APP: variants seen among roughly 807,000 people sequenced by gnomAD.
APP encodes amyloid beta precursor protein, also known as amyloid-beta precursor protein.
In APP, 31 loss-of-function variants were observed where a neutral mutation model predicts 101.4. That is an observed-to-expected ratio of 0.31 (90% CI 0.23 to 0.41). The LOEUF is 0.41. Among genes scored for constraint, APP ranks in the 10% least tolerant of loss-of-function variants. The pLI is 1.00. For synonymous variants in APP, 366 were observed against 364.4 expected (o/e 1.00, Z -0.05); for missense variants, 839 against 1,003.7 (o/e 0.84, Z 2.22).
intron 5 of APP, among the ~76,000 whole-genome samples, chr21:26,026,738 A>G (rs2044593413): frequency 6.6e-6 from 1 of 152,232 alleles, no homozygotes; most frequent in Non-Finnish European, 1.5e-5. Flanking sequence ...TTTGGGGGAT[A>G]GTAAAAGTAC....
intron 3 of APP, among the ~76,000 whole-genome samples, chr21:26,083,691 T>C (rs796193672): frequency 9.8e-5 from 15 of 152,348 alleles, no homozygotes; most frequent in African/African-American, 3.1e-4. Flanking sequence ...CTTGGGACAA[T>C]ATCATGCCAA....
chr21:26,134,251 G>A (rs2062851000), intron 1 of APP, among the ~76,000 whole-genome samples: 1 of 152,092 alleles, frequency 6.6e-6, no homozygotes, highest in African/African-American at 2.4e-5. Flanking sequence ...AATTCAACTG[G>A]ATTCTGACAC....
At chr21:25,946,227 C>T (rs2040815137) in intron 13 of APP, among the ~76,000 whole-genome samples, 1 of 152,106 alleles carries the variant, frequency 6.6e-6, no homozygotes, top group Non-Finnish European at 1.5e-5. Context: ...ATAAAATAGA[C>T]TTCTAAATTG....
Position 26,051,044 on chromosome 21 carries a change from C to CGAGTCA in APP, c.612_617dup (p.Ser206_Asp207dup). Reference sequence around the variant, plus strand: ...TGTCTGCTCCGCCCCACCAGACATCCGAGTCATCCTCCTCCGCATCAGCAG... The same window carrying CGAGTCA: ...TGTCTGCTCCGCCCCACCAGACATCCGAGTCAGAGTCATCCTCCTCCGCATCAGCAG... On this transcript the variant is annotated inframe_insertion, in exon 5 of 18. Coordinates refer to ENST00000346798, the MANE Select transcript of APP (RefSeq NM_000484.4). The CGAGTCA allele has an allele frequency of 6.2e-7, 1 of 1,614,150 alleles. No individual in the cohort carries two copies. Among genetic ancestry groups the CGAGTCA allele is most frequent in the Non-Finnish European group, 8.5e-7 (1 of 1,180,036 alleles).
chr21:25,926,986 G>A (rs1162119824), intron 13 of APP, among the ~76,000 whole-genome samples: 1 of 103,716 alleles, frequency 9.6e-6, no homozygotes, highest in African/African-American at 3.9e-5. Context: ...CTGGGCAACA[G>A]AGTGAGACTC....
rs1195877298 is a variant in APP at position 25,955,770 on chromosome 21, T to C, written c.1459-15A>G. ...ACGTGACGAGGCTGTGGGAGGAAAATGAAAAACTCTTTTTCAAGTTTGTGC... is the reference window on the plus strand; with the variant it reads ...ACGTGACGAGGCTGTGGGAGGAAAACGAAAAACTCTTTTTCAAGTTTGTGC... On this transcript the variant is annotated splice_polypyrimidine_tract_variant and intron_variant, in intron 11 of 17. Coordinates refer to ENST00000346798, the MANE Select transcript of APP (RefSeq NM_000484.4). The C allele has an allele frequency of 1.2e-6, 2 of 1,613,872 alleles. No homozygotes were observed. Among genetic ancestry groups the C allele is most frequent in the South Asian group, 1.1e-5 (1 of 91,084 alleles).
intron 17 of APP, among the ~76,000 whole-genome samples, chr21:25,883,135 G>T (rs1314210630): frequency 1.3e-5 from 2 of 152,200 alleles, no homozygotes; most frequent in African/African-American, 4.8e-5. Context: ...GGGTGCAGTG[G>T]CTCACTCCTG....
At chr21:25,956,074 G>C (rs563295200) in intron 11 of APP, among the ~76,000 whole-genome samples, 1 of 152,326 alleles carries the variant, frequency 6.6e-6, no homozygotes, top group East Asian at 1.9e-4. Flanking sequence ...GTCAGGTTAA[G>C]TTAGGTCCTT....
intron 5 of APP, among the ~76,000 whole-genome samples, chr21:26,028,960 G>A (rs949353238): frequency 3.9e-5 from 6 of 152,104 alleles, no homozygotes; most frequent in African/African-American, 7.2e-5. Flanking sequence ...AGGGCCCCAC[G>A]GAAGAGCCAT....
chr21:26,081,120 A>G (rs1382223453), intron 3 of APP, among the ~76,000 whole-genome samples: 1 of 152,202 alleles, frequency 6.6e-6, no homozygotes, highest in Non-Finnish European at 1.5e-5. Context: ...AAAATATCAC[A>G]CAACTATTCA....
chr21:25,900,044 T>G (rs113276377), intron 15 of APP, among the ~76,000 whole-genome samples: 29 of 152,296 alleles, frequency 1.9e-4, no homozygotes, highest in African/African-American at 6.7e-4. Context: ...TTAATATTGT[T>G]AAGTATTTTT....
At chr21:26,024,650 G>C (rs911351745) in intron 5 of APP, among the ~76,000 whole-genome samples, 3 of 152,164 alleles carry the variant, frequency 2.0e-5, no homozygotes, top group Non-Finnish European at 4.4e-5. Context: ...TCAATGGCAG[G>C]AATTCTCTGA....
intron 11 of APP, among the ~76,000 whole-genome samples, chr21:25,959,696 A>G (rs890761001): frequency 3.9e-5 from 6 of 152,194 alleles, no homozygotes; most frequent in Non-Finnish European, 5.9e-5. Context: ...TATTAAGCTA[A>G]TGTGTGGGGA....
intron 13 of APP, among the ~76,000 whole-genome samples, chr21:25,939,959 A>C (rs1213516199): frequency 6.6e-6 from 1 of 152,118 alleles, no homozygotes; most frequent in Non-Finnish European, 1.5e-5. Flanking sequence ...GGAATTAAGA[A>C]CTCTAAGGCC....
chr21:26,044,096 A>C (rs992658504), intron 5 of APP, among the ~76,000 whole-genome samples: 1 of 152,232 alleles, frequency 6.6e-6, no homozygotes, highest in African/African-American at 2.4e-5. Flanking sequence ...TGCAATAGGG[A>C]AATTATCACA....
intron 17 of APP, among the ~76,000 whole-genome samples, chr21:25,886,893 A>G (rs565785808): frequency 1.3e-5 from 2 of 152,296 alleles, no homozygotes; most frequent in Middle Eastern, 3.4e-3. Context: ...GGCCGGGAAG[A>G]AAGGACCTCT....
chr21:26,045,625 G>A (rs958324895), intron 5 of APP, among the ~76,000 whole-genome samples: 18 of 151,958 alleles, frequency 1.2e-4, no homozygotes, highest in African/African-American at 3.6e-4. Flanking sequence ...TAATATAAAC[G>A]GCCCACTGTA....
At chr21:26,105,089 A>AG (rs1491416051) in intron 2 of APP, among the ~76,000 whole-genome samples, 1 of 140,414 alleles carries the variant, frequency 7.1e-6, no homozygotes, top group African/African-American at 2.6e-5. Flanking sequence ...AAAAAAAAAA[A>AG]GAAGAAGAAT....
intron 2 of APP, among the ~76,000 whole-genome samples, chr21:26,102,130 C>T (rs555497462): frequency 6.8e-6 from 1 of 147,808 alleles, no homozygotes; most frequent in Non-Finnish European, 1.5e-5. Context: ...CTCTTGTCGC[C>T]CAGGCTGGAG....
Sources: allele counts gnomAD v4.1 joint callset (sites outside exome capture counted in the v4.1 genomes callset), GRCh38; gene constraint gnomAD v4.1.1; transcripts MANE v1.5; gene names NCBI Gene and HGNC (gene_info 2026-07-23, HGNC 2026-07-21).